Variants in SCAMP1 observed in about 807,000 individuals in gnomAD.
SCAMP1 encodes the protein secretory carrier-associated membrane protein 1.
A neutral mutation model predicts 41.8 loss-of-function variants in SCAMP1; 15 were observed. The observed-to-expected ratio is 0.36, with a 90% CI of 0.24 to 0.55. The LOEUF (loss-of-function observed/expected upper bound fraction) is 0.55. Ranked by LOEUF, SCAMP1 falls within the 20% of genes least tolerant of loss-of-function variation. SCAMP1 has a pLI of 0.86. For synonymous variants in SCAMP1, 135 were observed against 136.8 expected (o/e 0.99, Z 0.09); for missense variants, 341 against 412.6 (o/e 0.83, Z 1.50).
At chr5:78,366,155 T>G (rs1750791101) in intron 1 of SCAMP1, among the ~76,000 whole-genome samples, 1 of 150,412 alleles carries the variant, frequency 6.6e-6, no homozygotes, top group South Asian at 2.1e-4. Context: ...TTTTCTTTTT[T>G]TTTTTTGAGA....
Position 78,383,664 on chromosome 5 carries a change from C to T in SCAMP1, c.58-5173C>T, listed in dbSNP as rs190179141. 3.4e-3 allele frequency among the ~76,000 whole-genome samples: 514 copies of T among 152,244 alleles called. 2 individuals carry two copies. Among genetic ancestry groups the T allele is most frequent in the South Asian group, 8.7e-3 (42 of 4,822 alleles). ...CTTCTACATGTGGCTTGCCAATGAT[C>T]CCAGCACCATTTGTTGAATAGGGTG... On this transcript the variant is annotated intron_variant, in intron 1 of 8. Coordinates refer to ENST00000621999, the MANE Select transcript of SCAMP1 (RefSeq NM_004866.6).
intron 1 of SCAMP1, 61 bp downstream of exon 1, chr5:78,360,789 G>C (rs1750622639): frequency 4.7e-6 from 7 of 1,495,006 alleles, no homozygotes; most frequent in Admixed American, 1.9e-5. Context: ...GAAAACGGAC[G>C]AGTTCCTTCG....
chr5:78,426,873 G>C (rs958718764), intron 6 of SCAMP1, among the ~76,000 whole-genome samples: 3 of 152,048 alleles, frequency 2.0e-5, no homozygotes, highest in Non-Finnish European at 4.4e-5. Context: ...AGGTTTATTC[G>C]GGCTGCAGAA....
chr5:78,452,245 A>G (rs557282887), intron 7 of SCAMP1, among the ~76,000 whole-genome samples: 4,166 of 150,196 alleles, frequency 0.028, 206 homozygotes, highest in African/African-American at 0.095. Flanking sequence ...CAGGTTAGTT[A>G]CATATGTATA....
chr5:78,457,210 T>A (rs552108525), intron 7 of SCAMP1, among the ~76,000 whole-genome samples: 4 of 152,282 alleles, frequency 2.6e-5, no homozygotes, highest in African/African-American at 9.6e-5. Context: ...CCATCCAGCT[T>A]TGTTCCGTTG....
intron 2 of SCAMP1, among the ~76,000 whole-genome samples, chr5:78,412,909 C>A: frequency 6.6e-6 from 1 of 152,074 alleles, no homozygotes; most frequent in East Asian, 1.9e-4. Context: ...GTTTTCCATT[C>A]TTAATTTGAC....
intron 7 of SCAMP1, among the ~76,000 whole-genome samples, chr5:78,452,580 G>C (rs1753266137): frequency 6.8e-6 from 1 of 147,242 alleles, no homozygotes; most frequent in African/African-American, 2.5e-5. Context: ...TCTTAATCCA[G>C]TCTATCATTG....
At chr5:78,391,622 T>A (rs1751507309) in intron 2 of SCAMP1, among the ~76,000 whole-genome samples, 1 of 152,122 alleles carries the variant, frequency 6.6e-6, no homozygotes, top group Non-Finnish European at 1.5e-5. Context: ...GGGCAGAGGC[T>A]GCACTCCCGG....
chr5:78,434,559 T>TTCC (rs10640748), intron 6 of SCAMP1, among the ~76,000 whole-genome samples: 123,137 of 151,380 alleles, frequency 0.81, 50,789 homozygotes, highest in East Asian at 0.92. Flanking sequence ...TTCCTTCCTT[T>TTCC]TCCTCCTCCT....
chr5:78,373,473 A>G (rs979780960), intron 1 of SCAMP1, among the ~76,000 whole-genome samples: 1 of 152,026 alleles, frequency 6.6e-6, no homozygotes, highest in Non-Finnish European at 1.5e-5. Context: ...CTATGTAGGA[A>G]AGTTGCCACA....
chr5:78,479,839 G>A lies in SCAMP1; in HGVS notation c.*4171G>A, dbSNP rs534837013. On this transcript the variant is annotated 3_prime_UTR_variant, in exon 9 of 9. Coordinates refer to ENST00000621999, the MANE Select transcript of SCAMP1 (RefSeq NM_004866.6). ...GGGCGGATCACGAGGTCAGGAGATC[G>A]AAACCATCCTGGCTAACATGGTGAA... Among the ~76,000 whole-genome samples the A allele has an allele frequency of 2.0e-5, 3 of 151,942 alleles. No homozygotes were observed. The highest frequency in any genetic ancestry group is 4.8e-5 in the African/African-American group (2 of 41,338).
chr5:78,417,150 T>C (rs1003720948), intron 4 of SCAMP1, among the ~76,000 whole-genome samples: 7 of 152,196 alleles, frequency 4.6e-5, no homozygotes, highest in Non-Finnish European at 7.3e-5. Flanking sequence ...GTGAATTCTA[T>C]TAAGTTTGTG....
chr5:78,371,905 G>A (rs144045747), intron 1 of SCAMP1, among the ~76,000 whole-genome samples: 75 of 152,298 alleles, frequency 4.9e-4, no homozygotes, highest in Non-Finnish European at 9.0e-4. Context: ...TGCATTTTGA[G>A]TATTGCTGAA....
intron 5 of SCAMP1, 74 bp from the exon 6 acceptor site, chr5:78,421,727 A>G (rs1357342569): frequency 7.5e-7 from 1 of 1,327,440 alleles, no homozygotes; most frequent in African/African-American, 1.5e-5. Flanking sequence ...TTTTTTATTT[A>G]CAATTTTTTG....
chr5:78,480,337 C>G lies in SCAMP1; in HGVS notation c.*4669C>G, dbSNP rs1754112116. ...TTATCTTCTATACATTAAAACAGTT[C>G]TAGTTTGTAGAATAATACCATACAA... On this transcript the variant is annotated 3_prime_UTR_variant, in exon 9 of 9. Coordinates refer to ENST00000621999, the MANE Select transcript of SCAMP1 (RefSeq NM_004866.6). Among the ~76,000 whole-genome samples the G allele has an allele frequency of 1.3e-5, 2 of 152,172 alleles. No homozygotes were observed. Among genetic ancestry groups the G allele is most frequent in the Admixed American group, 1.3e-4 (2 of 15,280 alleles).
intron 6 of SCAMP1, among the ~76,000 whole-genome samples, chr5:78,432,581 A>G (rs900682942): frequency 6.6e-6 from 1 of 151,954 alleles, no homozygotes; most frequent in Non-Finnish European, 1.5e-5. Flanking sequence ...TATAATTCTT[A>G]TCCTTATTTT....
chr5:78,454,875 T>C (rs1232296752), intron 7 of SCAMP1, among the ~76,000 whole-genome samples: 1 of 152,226 alleles, frequency 6.6e-6, no homozygotes, highest in Non-Finnish European at 1.5e-5. Context: ...GTTATTGGTC[T>C]ATTCAGAGAT....
chr5:78,447,594 TAACTC>T (rs1753083066), intron 6 of SCAMP1, among the ~76,000 whole-genome samples: 1 of 151,696 alleles, frequency 6.6e-6, no homozygotes, highest in African/African-American at 2.4e-5. Context: ...TTTAAAAAAT[TAACTC>T]AAAAAAGAAC....
chr5:78,446,346 G>T (rs1339950451), intron 6 of SCAMP1, among the ~76,000 whole-genome samples: 1 of 152,146 alleles, frequency 6.6e-6, no homozygotes, highest in Non-Finnish European at 1.5e-5. Flanking sequence ...CTTCTAGAAT[G>T]TGTCTAAGAA....
Sources: allele counts gnomAD v4.1 joint callset (sites outside exome capture counted in the v4.1 genomes callset), GRCh38; gene constraint gnomAD v4.1.1; transcripts MANE v1.5; gene names NCBI Gene and HGNC (gene_info 2026-07-23, HGNC 2026-07-21).